The following ZNF565 variants were observed in gnomAD, a reference collection of about 807,000 sequenced individuals.
The protein encoded by ZNF565 is zinc finger protein 565.
ZNF565 carries 27 observed loss-of-function variants against 39.4 expected under a neutral mutation model. The ratio of observed to expected loss-of-function variants is 0.69; its 90% CI spans 0.51 to 0.95. ZNF565 has a LOEUF of 0.95. Among genes scored for constraint, ZNF565 ranks in the 40% least tolerant of loss-of-function variants. The probability of loss-of-function intolerance (pLI) is 0.00; values close to 1 mark genes in which losing one functional copy is unlikely to be tolerated. For synonymous variants in ZNF565, 185 were observed against 216.6 expected (o/e 0.85, Z 1.28); for missense variants, 524 against 621.1 (o/e 0.84, Z 1.66).
chr19:36,218,239 T>C (rs547518468), upstream of ZNF565: 20 of 152,172 alleles, frequency 1.3e-4, no homozygotes, highest in East Asian at 3.7e-3. Flanking sequence ...TTTCATAGTA[T>C]AGAAATAATA....
Position 36,182,806 on chromosome 19 carries a change from C to A in ZNF565, c.1160G>T (p.Gly387Val). ...QLTRHQRVHT[G>V]DRPYECKDCG... ...GTCCTTACATTCATAGGGTCTGTCG[C>A]CAGTATGGACTCTCTGATGTCGTGT... is the stretch of plus-strand genomic sequence containing the variant. Residue 387 changes from glycine (G) to valine (V), a missense_variant, in exon 5 of 5, where the codon GGC becomes GTC. Physicochemically the swap from Gly to Val is moderately radical, Grantham distance 109 (BLOSUM62 -3). Coordinates refer to ENST00000304116, the MANE Select transcript of ZNF565 (RefSeq NM_152477.5). 6.2e-7 allele frequency: 1 copy of A among 1,614,134 alleles called. No individual in the cohort carries two copies. The highest frequency in any genetic ancestry group is 1.3e-5 in the African/African-American group (1 of 75,018).
chr19:36,187,325 A>AAT (rs1274829006), intron 4 of ZNF565, among the ~76,000 whole-genome samples: 1 of 151,916 alleles, frequency 6.6e-6, no homozygotes, highest in African/African-American at 2.4e-5. Context: ...ATAGCCTCCT[A>AAT]ATATATATAT....
rs959762954 is a variant in ZNF565 at position 36,183,076 on chromosome 19, T to C, written c.890A>G (p.His297Arg). 2.5e-6 allele frequency: 4 copies of C among 1,614,200 alleles called. No individual in the cohort carries two copies. Among genetic ancestry groups the C allele is most frequent in the South Asian group, 1.1e-5 (1 of 91,088 alleles). ...AFIRGSQLTVHRRIHTGARPY... is the reference protein window; with the variant it reads ...AFIRGSQLTVRRRIHTGARPY... ...TCTGGCCCCTGTGTGGATTCTCCGATGCACAGTGAGTTGGGAGCCACGAAT... is the reference window on the plus strand; with the variant it reads ...TCTGGCCCCTGTGTGGATTCTCCGACGCACAGTGAGTTGGGAGCCACGAAT... Residue 297 changes from histidine (H) to arginine (R), a missense_variant, in exon 5 of 5, where the codon CAT (histidine) becomes CGT (arginine). Physicochemically the swap from His to Arg is conservative, Grantham distance 29. Coordinates refer to ENST00000304116, the MANE Select transcript of ZNF565 (RefSeq NM_152477.5).
chr19:36,203,934 G>A (rs1976059164), intron 1 of ZNF565, among the ~76,000 whole-genome samples: 3 of 151,666 alleles, frequency 2.0e-5, no homozygotes, highest in Admixed American at 2.0e-4. Flanking sequence ...CCTGTAGGGG[G>A]TGTGTCAAAA....
At chr19:36,204,513 T>C (rs1027176063) in intron 1 of ZNF565, among the ~76,000 whole-genome samples, 6 of 152,216 alleles carry the variant, frequency 3.9e-5, no homozygotes, top group Admixed American at 1.3e-4. Context: ...TCTGTGATGA[T>C]GGAAATCTTC....
chr19:36,212,339 A>G (rs897943678), intron 1 of ZNF565, among the ~76,000 whole-genome samples: 6 of 152,160 alleles, frequency 3.9e-5, no homozygotes, highest in South Asian at 2.1e-4. Flanking sequence ...GAGACCAGAC[A>G]TGGTGGTTCA....
At chr19:36,213,558 G>T (rs1024693955) in intron 1 of ZNF565, among the ~76,000 whole-genome samples, 1 of 152,016 alleles carries the variant, frequency 6.6e-6, no homozygotes, top group African/African-American at 2.4e-5. Flanking sequence ...GCTAATTTTT[G>T]TATTTTTAGT....
intron 1 of ZNF565, among the ~76,000 whole-genome samples, chr19:36,233,106 A>C (rs1029062419): frequency 3.3e-5 from 5 of 152,254 alleles, no homozygotes; most frequent in Admixed American, 2.6e-4. Context: ...GCTCCTGGCC[A>C]GGCGTGGTGG....
At chr19:36,234,639 C>A (rs56262158) in intron 1 of ZNF565, among the ~76,000 whole-genome samples, 45 of 152,262 alleles carry the variant, frequency 3.0e-4, no homozygotes, top group Admixed American at 2.5e-3. Context: ...CCTCGTGATC[C>A]GCCCACCTCG....
intron 1 of ZNF565, among the ~76,000 whole-genome samples, chr19:36,235,163 C>A (rs907674439): frequency 6.6e-6 from 1 of 150,972 alleles, no homozygotes; most frequent in Non-Finnish European, 1.5e-5. Flanking sequence ...GAGCCGAGAT[C>A]GCACCACTGC....
upstream of ZNF565, among the ~76,000 whole-genome samples, chr19:36,218,720 C>G (rs1004116193): frequency 1.1e-4 from 17 of 152,114 alleles, no homozygotes; most frequent in African/African-American, 4.1e-4. Flanking sequence ...CCACCTGCCT[C>G]AGCCTCCCAA....
intron 1 of ZNF565, among the ~76,000 whole-genome samples, chr19:36,243,612 G>A (rs575765426): frequency 2.0e-5 from 3 of 152,260 alleles, no homozygotes; most frequent in Middle Eastern, 3.4e-3. Context: ...GCTGTGTGAT[G>A]GGTTCAGGGA....
intron 1 of ZNF565, among the ~76,000 whole-genome samples, chr19:36,225,007 G>C (rs1444601678): frequency 6.6e-6 from 1 of 152,124 alleles, no homozygotes; most frequent in Non-Finnish European, 1.5e-5. Context: ...TTATATAATT[G>C]AGGCAGTAGG....
At chr19:36,205,302 C>T (rs1373300738) in intron 1 of ZNF565, among the ~76,000 whole-genome samples, 2 of 151,978 alleles carry the variant, frequency 1.3e-5, no homozygotes, top group Non-Finnish European at 2.9e-5. Context: ...CCGAGGCAGG[C>T]GGATTACCTG....
At chr19:36,201,841 T>G (rs1209165557) in intron 2 of ZNF565, 136 bp downstream of exon 2, 2 of 967,816 alleles carry the variant, frequency 2.1e-6, no homozygotes, top group South Asian at 3.0e-5. Flanking sequence ...CCGAGGGACT[T>G]GGGCACCATT....
chr19:36,183,351 G>A lies in ZNF565; in HGVS notation c.615C>T (p.Ser205=), dbSNP rs1416318747. The A allele has an allele frequency of 1.2e-6, 2 of 1,605,496 alleles. No individual in the cohort carries two copies. The highest frequency in any genetic ancestry group is 1.7e-5 in the Admixed American group (1 of 58,336). The change falls in exon 5 of 5, where the codon AGC becomes AGT. Residue 205 remains serine, a synonymous_variant. Coordinates refer to ENST00000304116, the MANE Select transcript of ZNF565 (RefSeq NM_152477.5). ...GATGCTGAACAAGGTGTGAGGCACG[G>A]CTGAAGGCCTTCCCACATTCCTTAC... The part of the protein sequence containing the change: ...FGCKECGKAF[S]RASHLVQHQR...
At chr19:36,200,015 A>G (rs1975898873) in intron 2 of ZNF565, among the ~76,000 whole-genome samples, 1 of 152,030 alleles carries the variant, frequency 6.6e-6, no homozygotes, top group African/African-American at 2.4e-5. Context: ...TTAGAAATTA[A>G]AAGAAAGAAA....
chr19:36,227,271 C>A (rs1460525172), intron 1 of ZNF565, among the ~76,000 whole-genome samples: 1 of 151,428 alleles, frequency 6.6e-6, no homozygotes, highest in African/African-American at 2.4e-5. Context: ...TGCCTGTAAT[C>A]CCAGCTACTC....
chr19:36,196,012 C>T (rs945825448), intron 2 of ZNF565, among the ~76,000 whole-genome samples: 12 of 151,508 alleles, frequency 7.9e-5, no homozygotes, highest in Non-Finnish European at 1.6e-4. Context: ...TCTTGGCTCA[C>T]TGCAACCTCT....
Sources: gnomAD v4.1 joint callset for allele counts (sites outside exome capture counted in the v4.1 genomes callset) on GRCh38, gnomAD v4.1.1 for gene constraint, MANE v1.5 for transcripts, NCBI Gene and HGNC (gene_info 2026-07-23, HGNC 2026-07-21) for gene names.